The following TNKS1BP1 variants were observed in gnomAD, a reference collection of about 807,000 sequenced individuals.
TNKS1BP1 encodes the protein 182 kDa tankyrase-1-binding protein.
In TNKS1BP1, 48 loss-of-function variants were observed where a neutral mutation model predicts 141.1. That is an observed-to-expected ratio of 0.34 (90% CI 0.27 to 0.43). TNKS1BP1 has a LOEUF of 0.43. Ranked by LOEUF, TNKS1BP1 falls within the 20% of genes least tolerant of loss-of-function variation. The probability of loss-of-function intolerance (pLI) is 1.00; values close to 1 mark genes in which losing one functional copy is unlikely to be tolerated. For synonymous variants in TNKS1BP1, 875 were observed against 898.2 expected (o/e 0.97, Z 0.46); for missense variants, 2,149 against 2,226.0 (o/e 0.97, Z 0.70).
chr11:57,311,037 G>C (rs764463430), intron 5 of TNKS1BP1, among the ~76,000 whole-genome samples: 3 of 151,858 alleles, frequency 2.0e-5, no homozygotes, highest in Non-Finnish European at 4.4e-5. Context: ...CCTCCCCCAT[G>C]CCCCATCTGA....
Position 57,302,187 on chromosome 11 carries a change from C to T in TNKS1BP1, c.4721G>A (p.Arg1574His), listed in dbSNP as rs1251615603. 1.2e-6 allele frequency: 2 copies of T among 1,613,118 alleles called. No homozygotes were observed. Among genetic ancestry groups the T allele is most frequent in the Admixed American group, 1.7e-5 (1 of 60,012 alleles). The change falls in exon 8 of 12, where the codon CGT becomes CAT. Residue 1574 changes from arginine (R) to histidine (H), a missense_variant. Arg to His is a conservative substitution (Grantham distance 29, BLOSUM62 0). Coordinates refer to ENST00000358252, the MANE Select transcript of TNKS1BP1 (RefSeq NM_033396.3). This position sits in a 1 kb window ranked among gnomAD's most constrained non-coding sequence, Gnocchi z 5.5. ...CCCACGCTTGCGCCCCAAGTTGGCA[C>T]GGCTCCGATACATGGCACTGTCGAG... ...EILDSAMYRSRANLGRKRGHR... is the reference protein window; with the variant it reads ...EILDSAMYRSHANLGRKRGHR...
intron 6 of TNKS1BP1, among the ~76,000 whole-genome samples, chr11:57,304,872 C>CA (rs35084894): frequency 0.041 from 2,992 of 72,484 alleles, 234 homozygotes; most frequent in African/African-American, 0.15. Context: ...AACTCCGTCT[C>CA]AAAAAAAAAA....
intron 3 of TNKS1BP1, 68 bp downstream of exon 3, chr11:57,320,011 G>GCCCCCCCCCCAAACCCCCCCCCC: frequency 7.7e-7 from 1 of 1,296,684 alleles, no homozygotes; most frequent in East Asian, 2.5e-5. Flanking sequence ...TTGGTCCCCA[G>GCCCCCCCCCCAAACCCCCCCCCC]CCCCCACCCA....
chr11:57,307,080 T>A (rs1336541211), intron 6 of TNKS1BP1, among the ~76,000 whole-genome samples: 1 of 152,108 alleles, frequency 6.6e-6, no homozygotes, highest in Non-Finnish European at 1.5e-5. Context: ...ACAGAGCAGC[T>A]GTGAAGATCA....
chr11:57,310,287 G>T lies in TNKS1BP1; in HGVS notation c.2424C>A (p.Asp808Glu), dbSNP rs759768371. The change falls in exon 6 of 12, where the codon GAC becomes GAA. Residue 808 changes from aspartate to glutamate, a missense_variant. Transcript: ENST00000358252. Reference protein sequence around the residue: ...QEEMEASSSQDQSKVSAPGVL... With the variant: ...QEEMEASSSQEQSKVSAPGVL... Reference sequence around the variant, plus strand: ...CCCCTGGGGCAGACACTTTACTCTGGTCTTGGCTGCTGCTGGCCTCCATCT... The same window carrying T: ...CCCCTGGGGCAGACACTTTACTCTGTTCTTGGCTGCTGCTGGCCTCCATCT... 8 of 1,613,854 alleles carry T rather than the reference G, an allele frequency of 5.0e-6. No individual in the cohort carries two copies. In the African/African-American group the frequency reaches 1.1e-4, roughly 22 times the overall value.
rs1037204526 is a variant in TNKS1BP1, at chr11:57,313,869, G to C, written c.819C>G (p.Pro273=). 6.6e-7 allele frequency: 1 copy of C among 1,508,128 alleles called. No homozygotes were observed. Among genetic ancestry groups the C allele is most frequent in the African/African-American group, 1.4e-5 (1 of 71,216 alleles). 93.4% of individuals were successfully genotyped at this position (1,508,128 alleles called of 1,614,324 possible). The change falls in exon 5 of 12, where the codon CCC becomes CCG. Residue 273 remains proline, a synonymous_variant. Coordinates refer to ENST00000358252, the MANE Select transcript of TNKS1BP1 (RefSeq NM_033396.3). ...TCTCTGAGGAGGGGGCTGGACTTGA[G>C]GGAATCCAGGGCTTGGAAATCTGCA... ...LPADISKPWI[P]SSPAPSSENG...
chr11:57,314,474 T>C (rs1855768255), intron 4 of TNKS1BP1, among the ~76,000 whole-genome samples: 1 of 152,190 alleles, frequency 6.6e-6, no homozygotes, highest in African/African-American at 2.4e-5. Context: ...AGCGCCTGGC[T>C]TGAGCCGTCC....
At position 57,324,833 on chromosome 11, in the gene TNKS1BP1, C is replaced by T. The variant is rs914820448; in HGVS notation, c.-66+7G>A. The T allele has an allele frequency of 2.0e-6, 2 of 985,550 alleles. No individual in the cohort carries two copies. The allele number at this position is 985,550 out of a possible 1,614,324, so 61.1% of individuals were successfully genotyped here. ...CCTCCTTCGCCCGACCGCCCCCGCG[C>T]ACTCACGCGCTCGCCCGGGGTCCGG... On this transcript the variant is annotated splice_region_variant and intron_variant, in intron 1 of 11. Coordinates refer to ENST00000358252, the MANE Select transcript of TNKS1BP1 (RefSeq NM_033396.3).
Position 57,312,735 on chromosome 11 carries a change from C to A in TNKS1BP1, c.1953G>T (p.Val651=). ...GQALPVEEEA[V]TLARAETTQA... is the part of the protein sequence containing the mutation. Reference sequence around the variant, plus strand: ...GGGTGGTCTCAGCCCGGGCTAGGGTCACGGCCTCCTCCTCAACAGGCAGTG... The same window carrying A: ...GGGTGGTCTCAGCCCGGGCTAGGGTAACGGCCTCCTCCTCAACAGGCAGTG... The change falls in exon 5 of 12, where the codon GTG becomes GTT. Residue 651 remains valine (V), a synonymous_variant. Transcript: ENST00000358252. 6.3e-7 allele frequency: 1 copy of A among 1,584,312 alleles called. No individual in the cohort carries two copies. Among genetic ancestry groups the A allele is most frequent in the Non-Finnish European group, 8.6e-7 (1 of 1,163,330 alleles).
In TNKS1BP1 at chr11:57,320,223, G is replaced by A. The variant is rs780577893; in HGVS notation, c.584C>T (p.Ser195Leu). The change falls in exon 3 of 12, where the codon TCG becomes TTG. Residue 195 changes from serine (S) to leucine (L), a missense_variant. By Grantham distance (145) the Ser-to-Leu change is moderately radical. Coordinates refer to ENST00000358252, the MANE Select transcript of TNKS1BP1 (RefSeq NM_033396.3). ...SRLTFNHDGS[S>L]RYGPRTYGTT... ...GCCATAGGTCCTGGGGCCATATCGC[G>A]AGCTGCCATCGTGGTTAAAGGTGAG... The A allele has an allele frequency of 1.1e-5, 17 of 1,614,058 alleles. No individual in the cohort carries two copies. The highest frequency in any genetic ancestry group is 5.0e-5 in the Admixed American group (3 of 60,012).
chr11:57,312,935 G>C lies in TNKS1BP1; in HGVS notation c.1753C>G (p.Gln585Glu). ...TGCGACTCGTATCTCTCCTCTGCCT[G>C]CTGCAAAGGTAATCCAGGTGTGCCC... ...TEGTPGLPLQQAEERYESQEP... is the reference protein window; with the variant it reads ...TEGTPGLPLQEAEERYESQEP... Residue 585 changes from glutamine to glutamate, a missense_variant, in exon 5 of 12, where the codon CAG becomes GAG. By Grantham distance (29) the Gln-to-Glu change is conservative. Coordinates refer to ENST00000358252, the MANE Select transcript of TNKS1BP1 (RefSeq NM_033396.3). The C allele has an allele frequency of 6.2e-7, 1 of 1,613,382 alleles. No homozygotes were observed. Among genetic ancestry groups the C allele is most frequent in the Non-Finnish European group, 8.5e-7 (1 of 1,179,728 alleles).
chr11:57,313,383 T>A lies in TNKS1BP1; in HGVS notation c.1305A>T (p.Ser435=). The change falls in exon 5 of 12, where the codon TCA becomes TCT. Residue 435 remains serine, a synonymous_variant. Coordinates refer to ENST00000358252, the MANE Select transcript of TNKS1BP1 (RefSeq NM_033396.3). ...QRRFSEGVLQ[S]PSQDQEKLGG... ...CCAGCTTCTCCTGGTCCTGACTGGG[T>A]GACTGGAGCACACCTTCAGAGAATC... The A allele has an allele frequency of 6.2e-7, 1 of 1,612,386 alleles. No homozygotes were observed. Among genetic ancestry groups the A allele is most frequent in the South Asian group, 1.1e-5 (1 of 90,972 alleles).
At chr11:57,303,861 G>T (rs1308789128) in intron 6 of TNKS1BP1, among the ~76,000 whole-genome samples, 1 of 152,022 alleles carries the variant, frequency 6.6e-6, no homozygotes, top group African/African-American at 2.4e-5. Context: ...ACCAGCCTGG[G>T]CAACATAGCA....
intron 6 of TNKS1BP1, among the ~76,000 whole-genome samples, chr11:57,307,049 T>C (rs964530436): frequency 1.5e-4 from 23 of 152,002 alleles, no homozygotes; most frequent in African/African-American, 5.6e-4. Context: ...GCGGAGAGGA[T>C]AAAAATCACT....
Position 57,301,821 on chromosome 11 carries a change from G to A in TNKS1BP1, c.4957C>T (p.Pro1653Ser). 6.2e-7 allele frequency: 1 copy of A among 1,614,066 alleles called. No homozygotes were observed. ...LKVNLFPGLS[P>S]SALKAKLRPR... ...TCAGATGGTACCTTCAGGGCTGAGG[G>A]GCTCAGGCCAGGAAAGAGGTTGACT... Residue 1653 changes from proline (P) to serine (S), a missense_variant, in exon 9 of 12, where the codon CCC (proline) becomes TCC (serine). Transcript: ENST00000358252.
intron 5 of TNKS1BP1, chr11:57,311,529 G>A (rs1396464728): frequency 1.1e-5 from 10 of 941,662 alleles, no homozygotes; most frequent in Middle Eastern, 5.5e-4. Flanking sequence ...GGGCAGCCCC[G>A]CCCAGGAGCC....
At position 57,308,643 on chromosome 11, in the gene TNKS1BP1, A is replaced by G. The variant is rs1422976044; in HGVS notation, c.4068T>C (p.Phe1356=). ...GCTCCCTGGCTTCACTTGGAGCCCC[A>G]AAGAGCTCCACATTCTGGGGCGCCA... ...QDLAPQNVEL[F]GAPSEAREHG... The change falls in exon 6 of 12, where the codon TTT becomes TTC. Residue 1356 remains phenylalanine (F), a synonymous_variant. Transcript: ENST00000358252. The G allele has an allele frequency of 6.3e-7, 1 of 1,597,312 alleles. No homozygotes were observed. The highest frequency in any genetic ancestry group is 8.5e-7 in the Non-Finnish European group (1 of 1,172,402).
At position 57,302,859 on chromosome 11, in the gene TNKS1BP1, G is replaced by GT. The variant is rs766872941; in HGVS notation, c.4317-35dup. 24 of 1,484,768 alleles carry GT rather than the reference G, an allele frequency of 1.6e-5. No individual in the cohort carries two copies. The highest frequency in any genetic ancestry group is 1.9e-5 in the Non-Finnish European group (21 of 1,120,820). 92.0% of individuals were successfully genotyped at this position (1,484,768 alleles called of 1,614,324 possible). ...GGGACAGAGAGAGAACGAGATCATC[G>GT]TAAGGCCCCATCTCCCTGCCCTGAA... On this transcript the variant is annotated intron_variant, in intron 6 of 11. Coordinates refer to ENST00000358252, the MANE Select transcript of TNKS1BP1 (RefSeq NM_033396.3). The surrounding 1 kb of genome is among the most constrained non-coding windows in gnomAD (Gnocchi z 5.5).
chr11:57,315,406 CTCAT>C (rs1361894915), intron 4 of TNKS1BP1, among the ~76,000 whole-genome samples: 11 of 152,118 alleles, frequency 7.2e-5, no homozygotes, highest in Non-Finnish European at 1.6e-4. Flanking sequence ...ACTCAACTCC[CTCAT>C]CTGCTTCATC....
Sources: allele counts gnomAD v4.1 joint callset (sites outside exome capture counted in the v4.1 genomes callset), GRCh38; gene constraint gnomAD v4.1.1; non-coding constraint Gnocchi (gnomAD v3.1); transcripts MANE v1.5; gene names NCBI Gene and HGNC (gene_info 2026-07-23, HGNC 2026-07-21).